Variants in SHROOM3 observed in about 807,000 individuals in gnomAD.
The protein encoded by SHROOM3 is protein Shroom3.
In SHROOM3, 47 loss-of-function variants were observed where a neutral mutation model predicts 138.6. The ratio of observed to expected loss-of-function variants is 0.34; its 90% confidence interval spans 0.27 to 0.43. The LOEUF (loss-of-function observed/expected upper bound fraction) is 0.43, where lower values mean the gene tolerates loss of function less well. SHROOM3 is among the 20% of genes least tolerant of loss of function. SHROOM3 has a pLI of 1.00. For synonymous variants in SHROOM3, 1,062 were observed against 1,063.3 expected, an observed-to-expected ratio of 1.00 and a Z score of 0.02; for missense variants, 2,491 against 2,596.5, an observed-to-expected ratio of 0.96 and a Z score of 0.88.
intron 10 of SHROOM3, among the ~76,000 whole-genome samples, chr4:76,775,052 A>G (rs1309042493): frequency 6.6e-6 from 1 of 151,978 alleles, no homozygotes; most frequent in African/African-American, 2.4e-5. Flanking sequence ...TGGTGCCTCC[A>G]TCACCCGAGC....
At chr4:76,656,778 T>C (rs1434008208) in intron 2 of SHROOM3, among the ~76,000 whole-genome samples, 1 of 152,238 alleles carries the variant, frequency 6.6e-6, no homozygotes, top group African/African-American at 2.4e-5. Context: ...GAAACATTAC[T>C]TACTCTTGCT....
chr4:76,495,019 A>C (rs1404339730), intron 1 of SHROOM3, among the ~76,000 whole-genome samples: 1 of 152,246 alleles, frequency 6.6e-6, no homozygotes, highest in Non-Finnish European at 1.5e-5. Context: ...GGCTACTAAA[A>C]AGAAAATGAT....
At chr4:76,545,618 T>C (rs958306141) in intron 1 of SHROOM3, among the ~76,000 whole-genome samples, 25 of 152,328 alleles carry the variant, frequency 1.6e-4, no homozygotes, top group African/African-American at 5.8e-4. Flanking sequence ...CTAACACATG[T>C]ATTCTTGTGG....
chr4:76,744,526 A>G (rs1343271342), intron 5 of SHROOM3, among the ~76,000 whole-genome samples: 3 of 152,226 alleles, frequency 2.0e-5, no homozygotes, highest in African/African-American at 7.2e-5. Context: ...ATTTGTAGTT[A>G]TGATGAGTAA....
intron 10 of SHROOM3, among the ~76,000 whole-genome samples, chr4:76,771,527 G>A (rs777964059): frequency 1.3e-5 from 2 of 152,140 alleles, no homozygotes; most frequent in Admixed American, 1.3e-4. Context: ...AAAACAGGGA[G>A]GGGGCAGGAA....
At chr4:76,563,442 G>C (rs528147173) in intron 2 of SHROOM3, among the ~76,000 whole-genome samples, 122 of 152,320 alleles carry the variant, frequency 8.0e-4, no homozygotes, top group Non-Finnish European at 2.1e-4. Flanking sequence ...TTCTAACTTT[G>C]AACCATGTTG....
intron 2 of SHROOM3, among the ~76,000 whole-genome samples, chr4:76,580,446 C>CT (rs869200924): frequency 0.047 from 4,129 of 87,672 alleles, 130 homozygotes; most frequent in African/African-American, 0.073. Context: ...TGGGCAAGTT[C>CT]TTTTTTTTTT....
At chr4:76,592,478 A>G (rs1734294420) in intron 2 of SHROOM3, among the ~76,000 whole-genome samples, 1 of 152,258 alleles carries the variant, frequency 6.6e-6, no homozygotes, top group Non-Finnish European at 1.5e-5. Context: ...ATGTGAGCAC[A>G]CAGCACAGAG....
intron 9 of SHROOM3, 54 bp from the exon 10 acceptor site, chr4:76,770,572 C>T (rs1722327464): frequency 1.9e-6 from 3 of 1,606,176 alleles, no homozygotes; most frequent in African/African-American, 1.3e-5. Flanking sequence ...GTGACTTCTG[C>T]TTCCACTGGC....
At chr4:76,642,368 G>T (rs926393707) in intron 2 of SHROOM3, among the ~76,000 whole-genome samples, 2 of 152,156 alleles carry the variant, frequency 1.3e-5, no homozygotes, top group Non-Finnish European at 2.9e-5. Flanking sequence ...ATTAGAACAA[G>T]GGCCAGGATT....
chr4:76,679,386 C>T (rs563225439), intron 2 of SHROOM3, among the ~76,000 whole-genome samples: 136 of 152,258 alleles, frequency 8.9e-4, no homozygotes, highest in Non-Finnish European at 1.6e-3. Flanking sequence ...TTTCCCCACC[C>T]AGTCATCAGG....
At chr4:76,730,164 A>G (rs527914607) in intron 3 of SHROOM3, among the ~76,000 whole-genome samples, 1 of 152,286 alleles carries the variant, frequency 6.6e-6, no homozygotes, top group East Asian at 1.9e-4. Flanking sequence ...GTCTTTGTCA[A>G]TTCTTTGTGT....
intron 1 of SHROOM3, among the ~76,000 whole-genome samples, chr4:76,506,118 A>G (rs1194464917): frequency 6.6e-6 from 1 of 152,076 alleles, no homozygotes; most frequent in Non-Finnish European, 1.5e-5. Flanking sequence ...GCAAACTAAC[A>G]CAAGAACAGA....
intron 2 of SHROOM3, among the ~76,000 whole-genome samples, chr4:76,573,189 G>A (rs137969457): frequency 1.3e-5 from 2 of 151,910 alleles, no homozygotes; most frequent in Non-Finnish European, 2.9e-5. Context: ...GCACAACAAG[G>A]TAAGGTGGCC....
intron 2 of SHROOM3, among the ~76,000 whole-genome samples, chr4:76,648,083 T>C (rs1468743230): frequency 1.3e-5 from 2 of 152,076 alleles, no homozygotes; most frequent in East Asian, 1.9e-4. Flanking sequence ...GTCCCAGCAC[T>C]TTGGGAGGCT....
At chr4:76,692,059 T>C (rs1719568462) in intron 2 of SHROOM3, among the ~76,000 whole-genome samples, 1 of 152,178 alleles carries the variant, frequency 6.6e-6, no homozygotes, top group African/African-American at 2.4e-5. Context: ...GTAGTATCAC[T>C]TGAACAGGAG....
intron 2 of SHROOM3, among the ~76,000 whole-genome samples, chr4:76,634,760 T>A (rs896036825): frequency 1.3e-5 from 2 of 152,230 alleles, no homozygotes; most frequent in Admixed American, 6.5e-5. Context: ...TTTAAACTTT[T>A]AAAAATAACT....
At chr4:76,451,151 T>C (rs1730918420) in intron 1 of SHROOM3, among the ~76,000 whole-genome samples, 1 of 152,172 alleles carries the variant, frequency 6.6e-6, no homozygotes, top group Non-Finnish European at 1.5e-5. Flanking sequence ...GGCTTCGCCA[T>C]GTTGGCCAGA....
intron 2 of SHROOM3, among the ~76,000 whole-genome samples, chr4:76,588,539 C>G (rs1288621866): frequency 6.6e-6 from 1 of 152,130 alleles, no homozygotes; most frequent in Non-Finnish European, 1.5e-5. Context: ...GAAGGTTCAG[C>G]TCTGCAAATG....
Sources: gnomAD v4.1 joint callset for allele counts (sites outside exome capture counted in the v4.1 genomes callset) on GRCh38, gnomAD v4.1.1 for gene constraint, MANE v1.5 for transcripts, NCBI Gene and HGNC (gene_info 2026-07-23, HGNC 2026-07-21) for gene names.